The following BANK1 variants were observed in gnomAD, a reference collection of about 807,000 sequenced individuals.
The protein encoded by BANK1 is B cell scaffold protein with ankyrin repeats 1.
Under a neutral mutation model 94.5 loss-of-function variants are expected in BANK1, and 95 were observed. That is an observed-to-expected ratio of 1.00 (90% CI 0.85 to 1.19). BANK1 has a LOEUF of 1.19. BANK1 is among the 50% of genes most tolerant of loss of function. The probability of loss-of-function intolerance (pLI) is 0.00; values close to 1 mark genes in which losing one functional copy is unlikely to be tolerated. For missense variants in BANK1, 987 were observed against 932.2 expected, an observed-to-expected ratio of 1.06 and a Z score of -0.77; for synonymous variants, 334 against 308.4, an observed-to-expected ratio of 1.08 and a Z score of -0.87.
At chr4:101,972,439 T>C (rs1437952207) in intron 7 of BANK1, 1 of 152,124 alleles carries the variant, frequency 6.6e-6, no homozygotes, top group African/African-American at 2.4e-5. Flanking sequence ...CTAAAGACCT[T>C]ATTATTGAAA....
intron 7 of BANK1, among the ~76,000 whole-genome samples, chr4:101,922,622 CT>C (rs931746382): frequency 1.3e-5 from 2 of 151,784 alleles, no homozygotes; most frequent in African/African-American, 4.8e-5. Flanking sequence ...ATTTCCTATA[CT>C]TGGAATTTTT....
intron 11 of BANK1, among the ~76,000 whole-genome samples, chr4:102,054,642 G>A (rs1243961659): frequency 6.6e-6 from 1 of 152,062 alleles, no homozygotes; most frequent in Non-Finnish European, 1.5e-5. Context: ...ATTAACAAGA[G>A]AAAAGCATAA....
intron 10 of BANK1, among the ~76,000 whole-genome samples, chr4:102,037,549 C>T (rs1000771934): frequency 1.3e-5 from 2 of 152,142 alleles, no homozygotes; most frequent in Non-Finnish European, 2.9e-5. Context: ...AAATAAGATG[C>T]TTCCTGAGGT....
intron 5 of BANK1, among the ~76,000 whole-genome samples, chr4:101,880,178 A>G (rs1020133336): frequency 1.3e-5 from 2 of 152,104 alleles, no homozygotes; most frequent in African/African-American, 4.8e-5. Flanking sequence ...ATAATCTTAT[A>G]TTTGGAAAAA....
At chr4:101,842,206 A>C (rs1247885770) in intron 2 of BANK1, among the ~76,000 whole-genome samples, 1 of 152,166 alleles carries the variant, frequency 6.6e-6, no homozygotes, top group African/African-American at 2.4e-5. Context: ...ATCTGGTAGA[A>C]CCCATGTTGC....
intron 7 of BANK1, among the ~76,000 whole-genome samples, chr4:101,986,210 AC>A (rs1480388352): frequency 6.6e-6 from 1 of 152,148 alleles, no homozygotes; most frequent in African/African-American, 2.4e-5. Flanking sequence ...GACCTTTGAG[AC>A]AGGTATTTTA....
intron 2 of BANK1, among the ~76,000 whole-genome samples, chr4:101,839,777 C>G (rs1726960833): frequency 6.6e-6 from 1 of 151,766 alleles, no homozygotes. Context: ...CTTTACAACT[C>G]TTGAACTTCT....
intron 1 of BANK1, among the ~76,000 whole-genome samples, chr4:101,826,230 T>C (rs982333743): frequency 6.6e-6 from 1 of 152,024 alleles, no homozygotes; most frequent in East Asian, 1.9e-4. Context: ...TTGACTAATC[T>C]AACTCATATC....
intron 1 of BANK1, among the ~76,000 whole-genome samples, chr4:101,808,056 C>T (rs1188786203): frequency 6.8e-6 from 1 of 147,598 alleles, no homozygotes. Flanking sequence ...CACTGCACTC[C>T]AGCCGGGGTG....
At chr4:101,965,000 G>C (rs1230127316) in intron 7 of BANK1, among the ~76,000 whole-genome samples, 1 of 143,024 alleles carries the variant, frequency 7.0e-6, no homozygotes, top group South Asian at 2.2e-4. Flanking sequence ...CCACCTATGA[G>C]TGAGAATATG....
intron 1 of BANK1, among the ~76,000 whole-genome samples, chr4:101,802,967 T>C (rs1725405470): frequency 1.3e-5 from 2 of 152,188 alleles, no homozygotes; most frequent in Admixed American, 1.3e-4. Flanking sequence ...CTGTGTGTTC[T>C]TTGGAAAAAA....
At chr4:102,007,783 T>C (rs535668833) in intron 7 of BANK1, among the ~76,000 whole-genome samples, 1 of 152,260 alleles carries the variant, frequency 6.6e-6, no homozygotes, top group East Asian at 1.9e-4. Flanking sequence ...TATTTTAATG[T>C]CCTTGAAGTC....
At chr4:101,820,438 T>C (rs1488485076) in intron 1 of BANK1, among the ~76,000 whole-genome samples, 1 of 152,172 alleles carries the variant, frequency 6.6e-6, no homozygotes, top group East Asian at 1.9e-4. Flanking sequence ...TGTAAGGCAA[T>C]TGCCTCAAGT....
chr4:102,017,583 C>T (rs929041530), intron 7 of BANK1, among the ~76,000 whole-genome samples: 1 of 152,162 alleles, frequency 6.6e-6, no homozygotes, highest in Non-Finnish European at 1.5e-5. Flanking sequence ...AACCCTCCAT[C>T]GACATTTTGA....
intron 6 of BANK1, among the ~76,000 whole-genome samples, chr4:101,904,990 A>C (rs1206261531): frequency 6.6e-6 from 1 of 152,188 alleles, no homozygotes; most frequent in Non-Finnish European, 1.5e-5. Flanking sequence ...TTTACCCAAT[A>C]AGCTGCTTTG....
intron 7 of BANK1, among the ~76,000 whole-genome samples, chr4:101,999,431 G>T (rs1312144103): frequency 6.6e-6 from 1 of 152,130 alleles, no homozygotes; most frequent in African/African-American, 2.4e-5. Flanking sequence ...GAAAATGGAT[G>T]TCAATAAAGC....
chr4:101,811,983 C>A (rs934059386), intron 1 of BANK1, among the ~76,000 whole-genome samples: 8 of 151,790 alleles, frequency 5.3e-5, no homozygotes, highest in Non-Finnish European at 8.8e-5. Flanking sequence ...TTATAATAAT[C>A]ATTAAATAAC....
intron 7 of BANK1, among the ~76,000 whole-genome samples, chr4:101,959,958 A>G (rs1724511246): frequency 6.6e-6 from 1 of 152,194 alleles, no homozygotes; most frequent in African/African-American, 2.4e-5. Flanking sequence ...TCTCATCCTC[A>G]AGCGTCAGGA....
At chr4:102,021,340 C>T (rs902541883) in intron 7 of BANK1, among the ~76,000 whole-genome samples, 174 bp from the exon 8 acceptor site, 1 of 151,864 alleles carries the variant, frequency 6.6e-6, no homozygotes, top group Non-Finnish European at 1.5e-5. Context: ...CTATTTCCCT[C>T]GTTATACTTT....
Sources: gnomAD v4.1 joint callset for allele counts (sites outside exome capture counted in the v4.1 genomes callset) on GRCh38, gnomAD v4.1.1 for gene constraint, MANE v1.5 for transcripts, NCBI Gene and HGNC (gene_info 2026-07-23, HGNC 2026-07-21) for gene names.